The following INSYN2B variants were observed in gnomAD, a reference collection of about 807,000 sequenced individuals.
The protein encoded by INSYN2B is inhibitory synaptic factor family member 2B.
INSYN2B carries 16 observed loss-of-function variants against 41.2 expected under a neutral mutation model. The observed-to-expected ratio is 0.39, with a 90% CI of 0.26 to 0.59. The LOEUF is 0.59. Among genes scored for constraint, INSYN2B ranks in the 20% least tolerant of loss-of-function variants. The pLI is 0.57. For synonymous variants in INSYN2B, 245 were observed against 244.4 expected (o/e 1.00, Z -0.02); for missense variants, 608 against 646.4 (o/e 0.94, Z 0.64).
intron 1 of INSYN2B, among the ~76,000 whole-genome samples, chr5:169,978,189 C>T (rs1356804499): frequency 6.6e-6 from 1 of 152,064 alleles, no homozygotes; most frequent in South Asian, 2.1e-4. Flanking sequence ...AGCAAGCTTC[C>T]GAAGTTGGCT....
intron 3 of INSYN2B, chr5:169,875,213 C>G (rs1009990381): frequency 1.3e-5 from 6 of 456,482 alleles, no homozygotes; most frequent in African/African-American, 1.0e-4. Context: ...TTATTTGAAC[C>G]AACCATTCCC....
intron 1 of INSYN2B, among the ~76,000 whole-genome samples, chr5:169,899,198 T>A (rs1304613903): frequency 1.3e-5 from 2 of 152,208 alleles, no homozygotes; most frequent in Non-Finnish European, 1.5e-5. Context: ...ACAAGGTGGC[T>A]GCTGAAGTGA....
At position 169,921,663 on chromosome 5, in the gene INSYN2B, C is replaced by A. The variant is rs554893398; in HGVS notation, c.-918-36847G>T. On this transcript the variant is annotated intron_variant, in intron 1 of 3. Coordinates refer to ENST00000377365, the MANE Select transcript of INSYN2B (RefSeq NM_001129891.3). ...ACCTCATCAAAGAGCCCTTACAGAG[C>A]TGTGGAGAGGAGCACTTGGGAGAAG... Among the ~76,000 whole-genome samples the A allele has an allele frequency of 5.0e-4, 76 of 152,276 alleles. 2 individuals carry two copies. In the South Asian group the frequency reaches 5.6e-3, roughly 11 times the overall value.
chr5:169,952,686 G>A (rs1357807929), intron 1 of INSYN2B, among the ~76,000 whole-genome samples: 1 of 152,128 alleles, frequency 6.6e-6, no homozygotes, highest in East Asian at 1.9e-4. Flanking sequence ...TAATCCCGTG[G>A]ATATCATGCT....
At chr5:169,878,951 C>T (rs540597367) in intron 3 of INSYN2B, among the ~76,000 whole-genome samples, 1 of 152,206 alleles carries the variant, frequency 6.6e-6, no homozygotes, top group South Asian at 2.1e-4. Context: ...GGTCTGTGCT[C>T]TTGGTGAGAT....
intron 1 of INSYN2B, among the ~76,000 whole-genome samples, chr5:169,886,852 G>T (rs1773000163): frequency 6.6e-6 from 1 of 152,204 alleles, no homozygotes; most frequent in African/African-American, 2.4e-5. Context: ...CACAGGCTAT[G>T]ATTGTCTGAG....
At chr5:169,897,962 G>A (rs1314633981) in intron 1 of INSYN2B, among the ~76,000 whole-genome samples, 1 of 152,162 alleles carries the variant, frequency 6.6e-6, no homozygotes, top group South Asian at 2.1e-4. Context: ...AAAGGAGCAG[G>A]CTAGCTAGAG....
chr5:169,903,387 G>A (rs902116926), intron 1 of INSYN2B, among the ~76,000 whole-genome samples: 1 of 151,846 alleles, frequency 6.6e-6, no homozygotes, highest in African/African-American at 2.4e-5. Context: ...AAGTCGGGGT[G>A]CCGCAGGAGT....
At chr5:169,959,395 T>G (rs576571654) in intron 1 of INSYN2B, among the ~76,000 whole-genome samples, 11 of 151,600 alleles carry the variant, frequency 7.3e-5, no homozygotes, top group African/African-American at 2.7e-4. Flanking sequence ...AGGAACAAAC[T>G]ATTCCCAACA....
At chr5:169,887,257 A>G (rs1773024106) in intron 1 of INSYN2B, among the ~76,000 whole-genome samples, 1 of 152,204 alleles carries the variant, frequency 6.6e-6, no homozygotes, top group South Asian at 2.1e-4. Flanking sequence ...CAGGAAGTTT[A>G]TGTATCCTTT....
At chr5:169,916,402 C>T (rs1052349769) in intron 1 of INSYN2B, among the ~76,000 whole-genome samples, 4 of 152,178 alleles carry the variant, frequency 2.6e-5, no homozygotes, top group African/African-American at 9.7e-5. Flanking sequence ...TCCTATCACC[C>T]CTGTTCTGGA....
At chr5:169,889,249 AT>A (rs886634724) in intron 1 of INSYN2B, among the ~76,000 whole-genome samples, 70 of 152,040 alleles carry the variant, frequency 4.6e-4, no homozygotes, top group Non-Finnish European at 8.8e-5. Flanking sequence ...CACTTCCAAC[AT>A]TTTTTTTCCT....
chr5:169,922,676 A>G (rs1161479469), intron 1 of INSYN2B, among the ~76,000 whole-genome samples: 3 of 152,228 alleles, frequency 2.0e-5, no homozygotes, highest in Non-Finnish European at 2.9e-5. Flanking sequence ...TGATTTGTAT[A>G]TGGTCACACA....
intron 3 of INSYN2B, among the ~76,000 whole-genome samples, chr5:169,870,262 G>C (rs982997398): frequency 4.6e-5 from 7 of 152,174 alleles, no homozygotes; most frequent in African/African-American, 1.7e-4. Flanking sequence ...CACTAATCTG[G>C]CTTACAGATC....
chr5:169,879,685 T>C (rs1415215662), intron 3 of INSYN2B, among the ~76,000 whole-genome samples: 2 of 152,210 alleles, frequency 1.3e-5, no homozygotes, highest in East Asian at 3.8e-4. Flanking sequence ...AAGGTCATAG[T>C]TTAGCCAAAT....
rs974691490 is a variant in INSYN2B, at chr5:169,863,369, A to G, written c.*904T>C. On this transcript the variant is annotated 3_prime_UTR_variant, in exon 4 of 4. Coordinates refer to ENST00000377365, the MANE Select transcript of INSYN2B (RefSeq NM_001129891.3). ...GTTGTGTTTTATCTTAGCCTTATCT[A>G]TGTTACTCATAAGATGTAACTGATG... is the stretch of plus-strand genomic sequence containing the variant. Among the ~76,000 whole-genome samples, 3 of 152,232 alleles carry G rather than the reference A, an allele frequency of 2.0e-5. No homozygotes were observed. Among genetic ancestry groups the G allele is most frequent in the African/African-American group, 7.2e-5 (3 of 41,462 alleles).
intron 1 of INSYN2B, among the ~76,000 whole-genome samples, chr5:169,924,692 T>C (rs1775343468): frequency 6.6e-6 from 1 of 152,204 alleles, no homozygotes; most frequent in African/African-American, 2.4e-5. Flanking sequence ...TTAAAGCAGA[T>C]CTGAGAGGCT....
intron 1 of INSYN2B, among the ~76,000 whole-genome samples, chr5:169,921,774 T>C (rs1038397324): frequency 2.0e-5 from 3 of 152,246 alleles, no homozygotes; most frequent in African/African-American, 7.2e-5. Context: ...AAGAACAGGC[T>C]GTAAGCAGTG....
chr5:169,893,833 A>C (rs1025641074), intron 1 of INSYN2B, among the ~76,000 whole-genome samples: 1 of 152,174 alleles, frequency 6.6e-6, no homozygotes, highest in East Asian at 1.9e-4. Context: ...CACATGGGAG[A>C]GGGATCCAGT....
Sources: allele counts gnomAD v4.1 joint callset (sites outside exome capture counted in the v4.1 genomes callset), GRCh38; gene constraint gnomAD v4.1.1; transcripts MANE v1.5; gene names NCBI Gene and HGNC (gene_info 2026-07-23, HGNC 2026-07-21).